Variants in RPF1 observed in about 807,000 individuals in gnomAD.
RPF1 encodes the protein ribosome production factor 1 homolog.
In RPF1, 34 loss-of-function variants were observed where a neutral mutation model predicts 41.9. That is an observed-to-expected ratio of 0.81 (90% CI 0.62 to 1.08). The LOEUF (loss-of-function observed/expected upper bound fraction) is 1.08. RPF1 is among the 50% of genes least tolerant of loss of function. RPF1 has a pLI of 0.00. For synonymous variants in RPF1, 140 were observed against 148.9 expected, an observed-to-expected ratio of 0.94 and a Z score of 0.43; for missense variants, 425 against 435.2, an observed-to-expected ratio of 0.98 and a Z score of 0.21.
At chr1:84,492,921 G>A (rs1375026676) in intron 5 of RPF1, among the ~76,000 whole-genome samples, 1 of 152,172 alleles carries the variant, frequency 6.6e-6, no homozygotes, top group African/African-American at 2.4e-5. Flanking sequence ...GAGATCTGCA[G>A]TTGCCTTAGT....
intron 3 of RPF1, 83 bp from the exon 4 acceptor site, chr1:84,489,550 C>T (rs11163983): frequency 0.042 from 32,012 of 762,648 alleles, 1,464 homozygotes; most frequent in African/African-American, 0.18. Flanking sequence ...CAGTGTCCAA[C>T]AGTCCTGCTG....
At chr1:84,489,372 TC>T (rs1249856869) in intron 3 of RPF1, among the ~76,000 whole-genome samples, 1 of 152,144 alleles carries the variant, frequency 6.6e-6, no homozygotes, top group Non-Finnish European at 1.5e-5. Flanking sequence ...TGAAAGTAGT[TC>T]AAGAGTAAAC....
rs1255285416 is a variant in RPF1 at position 84,498,127 on chromosome 1, A to G, written c.*657A>G. Among the ~76,000 whole-genome samples the G allele has an allele frequency of 2.0e-5, 3 of 152,174 alleles. No individual in the cohort carries two copies. Among genetic ancestry groups the G allele is most frequent in the Non-Finnish European group, 2.9e-5 (2 of 68,030 alleles). ...AAGTAACTCATGGATGGAAACCCGT[A>G]GAACTTAACAGCCTCCTCCTGACCT... On this transcript the variant is annotated 3_prime_UTR_variant, in exon 9 of 9. Transcript: ENST00000370654.
chr1:84,483,042 ATAAAT>A (rs772054963), intron 3 of RPF1, 47 bp downstream of exon 3: 21 of 1,182,486 alleles, frequency 1.8e-5, no homozygotes, highest in Middle Eastern at 1.9e-4. Context: ...CATATAATTG[ATAAAT>A]TATATGTTTT....
intron 5 of RPF1, among the ~76,000 whole-genome samples, chr1:84,491,752 ACT>A (rs1203717345): frequency 1.3e-5 from 2 of 152,184 alleles, no homozygotes; most frequent in Non-Finnish European, 2.9e-5. Context: ...GCCACTAGTA[ACT>A]CTGCTAAGAA....
chr1:84,481,505 G>T (rs1276344385), intron 2 of RPF1, among the ~76,000 whole-genome samples: 2 of 152,182 alleles, frequency 1.3e-5, no homozygotes, highest in African/African-American at 4.8e-5. Context: ...TTCTGGAGTA[G>T]GGTGATAAGG....
chr1:84,485,482 T>A (rs1681720971), intron 3 of RPF1, among the ~76,000 whole-genome samples: 2 of 152,206 alleles, frequency 1.3e-5, no homozygotes, highest in South Asian at 4.1e-4. Flanking sequence ...TGAGGTGAGG[T>A]GTGGAATTCC....
intron 1 of RPF1, 119 bp downstream of exon 1, chr1:84,479,628 G>C: frequency 2.1e-6 from 2 of 964,344 alleles, no homozygotes; most frequent in Non-Finnish European, 3.1e-6. Flanking sequence ...TGGCTCCGTG[G>C]GAAGGGTGGC....
At chr1:84,479,542 C>T (rs763786742) in intron 1 of RPF1, 33 bp downstream of exon 1, 5 of 1,601,600 alleles carry the variant, frequency 3.1e-6, no homozygotes, top group East Asian at 2.2e-5. Context: ...CGGGCGCTTG[C>T]GCGTTGTTCC....
At chr1:84,491,674 CA>C (rs1413551970) in intron 5 of RPF1, among the ~76,000 whole-genome samples, 1 of 152,106 alleles carries the variant, frequency 6.6e-6, no homozygotes, top group Non-Finnish European at 1.5e-5. Flanking sequence ...ACTGCCTCCA[CA>C]AAGTGGCAAG....
At chr1:84,486,607 AAAG>A in intron 3 of RPF1, among the ~76,000 whole-genome samples, 1 of 151,590 alleles carries the variant, frequency 6.6e-6, no homozygotes, top group Non-Finnish European at 1.5e-5. Context: ...AAAAAAAAAA[AAAG>A]AATAGGAAAA....
Position 84,482,811 on chromosome 1 carries a change from C to G in RPF1, c.286-104C>G, listed in dbSNP as rs1209560643. On this transcript the variant is annotated intron_variant, in intron 2 of 8. Transcript: ENST00000370654. ...AATAGAAGTGGATTGATATGAGGAA[C>G]AGATTGAGTTTGGGGTTATTTGTAG... The G allele has an allele frequency of 4.7e-6, 3 of 644,726 alleles. No individual in the cohort carries two copies. The East Asian group carries it at 8.3e-5, about 18-fold the overall frequency. 39.9% of individuals were successfully genotyped at this position (644,726 alleles called of 1,614,324 possible). A position where few individuals can be genotyped will look rare whatever the true frequency, so the allele number is the denominator to read the frequency against.
At chr1:84,495,263 A>C (rs1403230299) in intron 5 of RPF1, 110 bp from the exon 6 acceptor site, 1 of 652,710 alleles carries the variant, frequency 1.5e-6, no homozygotes, top group Non-Finnish European at 2.7e-6. Context: ...ACATCTGCCT[A>C]TTCACTTGGG....
chr1:84,483,053 G>A, intron 3 of RPF1, 58 bp downstream of exon 3: 2 of 1,141,120 alleles, frequency 1.8e-6, no homozygotes, highest in Non-Finnish European at 2.6e-6. Context: ...TAAATTATAT[G>A]TTTTTTTGTT....
chr1:84,482,104 TG>T (rs1464788489), intron 2 of RPF1, among the ~76,000 whole-genome samples: 1 of 152,238 alleles, frequency 6.6e-6, no homozygotes, highest in East Asian at 1.9e-4. Flanking sequence ...TTCTTAAAAT[TG>T]CCTCCTTTAA....
intron 1 of RPF1, 151 bp downstream of exon 1, chr1:84,479,660 TC>T: frequency 2.9e-6 from 2 of 701,466 alleles, no homozygotes; most frequent in Non-Finnish European, 4.8e-6. Flanking sequence ...CGTGTTCTGG[TC>T]CCCTCGCCCT....
intron 4 of RPF1, 148 bp downstream of exon 4, chr1:84,489,876 G>A (rs1681801617): frequency 1.7e-6 from 1 of 598,900 alleles, no homozygotes. Context: ...CTGGTAATAT[G>A]ATGTAGGTTT....
intron 3 of RPF1, among the ~76,000 whole-genome samples, chr1:84,487,424 G>T (rs374210479): frequency 6.6e-6 from 1 of 152,112 alleles, no homozygotes; most frequent in African/African-American, 2.4e-5. Context: ...AGATAAGCCA[G>T]TTCATGTCTT....
intron 8 of RPF1, among the ~76,000 whole-genome samples, chr1:84,497,058 G>A (rs1027696788): frequency 3.9e-5 from 6 of 151,956 alleles, no homozygotes; most frequent in Middle Eastern, 3.4e-3. Context: ...TTTTAGTAGA[G>A]AAGGGGTTTC....
Sources: gnomAD v4.1 joint callset for allele counts (sites outside exome capture counted in the v4.1 genomes callset) on GRCh38, gnomAD v4.1.1 for gene constraint, MANE v1.5 for transcripts, NCBI Gene and HGNC (gene_info 2026-07-23, HGNC 2026-07-21) for gene names.